The following SLC36A1 variants were observed in gnomAD, a reference collection of about 807,000 sequenced individuals.
SLC36A1 encodes the protein proton-coupled amino acid transporter 1.
Under a neutral mutation model 47.5 loss-of-function variants are expected in SLC36A1, and 30 were observed. The observed-to-expected ratio is 0.63, with a 90% CI of 0.47 to 0.86. The LOEUF (loss-of-function observed/expected upper bound fraction) is 0.86, where lower values mean the gene tolerates loss of function less well. SLC36A1 is among the 40% of genes least tolerant of loss of function. The pLI, the probability that SLC36A1 is intolerant of heterozygous loss-of-function variation, is 0.00. For synonymous variants in SLC36A1, 255 were observed against 249.7 expected (o/e 1.02, Z -0.20); for missense variants, 517 against 606.0 (o/e 0.85, Z 1.54).
the SLC36A1 span, among the ~76,000 whole-genome samples, chr5:151,403,176 G>C: frequency 6.6e-6 from 1 of 152,112 alleles, no homozygotes; most frequent in African/African-American, 2.4e-5. Context: ...CACTGCTTTT[G>C]CTGCACCCCA....
At chr5:151,382,432 A>G in the SLC36A1 span, 1 of 621,296 alleles carries the variant, frequency 1.6e-6, no homozygotes, top group South Asian at 2.1e-5. Context: ...GTAGGGATAG[A>G]TGTGTTAGTC....
chr5:151,397,147 G>A, the SLC36A1 span, among the ~76,000 whole-genome samples: 64,496 of 152,050 alleles, frequency 0.42, 14,059 homozygotes, highest in African/African-American at 0.53. Context: ...TTTCATTCCC[G>A]ATACTGCACA....
chr5:151,521,949 G>C, the SLC36A1 span: 1 of 1,614,196 alleles, frequency 6.2e-7, no homozygotes, highest in Non-Finnish European at 8.5e-7. Flanking sequence ...TACCCACCAT[G>C]CCACCCTGGA....
At chr5:151,382,617 T>C in the SLC36A1 span, among the ~76,000 whole-genome samples, 1 of 152,218 alleles carries the variant, frequency 6.6e-6, no homozygotes, top group African/African-American at 2.4e-5. Flanking sequence ...GTAACCATAG[T>C]GTGCATGTGG....
At chr5:151,541,402 G>C in the SLC36A1 span, among the ~76,000 whole-genome samples, 1 of 152,228 alleles carries the variant, frequency 6.6e-6, no homozygotes, top group East Asian at 1.9e-4. Flanking sequence ...TTAGGAGTCT[G>C]ATATTTTAAG....
chr5:151,356,716 C>CA, the SLC36A1 span, among the ~76,000 whole-genome samples: 2 of 152,198 alleles, frequency 1.3e-5, no homozygotes, highest in Non-Finnish European at 2.9e-5. Flanking sequence ...TACCTCTGGG[C>CA]ATTCAGTTGT....
the SLC36A1 span, among the ~76,000 whole-genome samples, chr5:151,370,937 G>A: frequency 6.6e-6 from 1 of 152,168 alleles, no homozygotes; most frequent in Non-Finnish European, 1.5e-5. Flanking sequence ...AGGTTGCAGT[G>A]AGCCAAGATC....
chr5:151,411,775 T>C, the SLC36A1 span, among the ~76,000 whole-genome samples: 1 of 144,392 alleles, frequency 6.9e-6, no homozygotes, highest in East Asian at 2.3e-4. Flanking sequence ...GTACAGTTTT[T>C]CCCACGGATA....
chr5:151,513,532 G>T, the SLC36A1 span, among the ~76,000 whole-genome samples: 1 of 152,164 alleles, frequency 6.6e-6, no homozygotes, highest in African/African-American at 2.4e-5. Flanking sequence ...TTACAAGTGG[G>T]AACTAAATGC....
chr5:151,517,415 C>A, the SLC36A1 span, among the ~76,000 whole-genome samples: 1 of 152,222 alleles, frequency 6.6e-6, no homozygotes, highest in Admixed American at 6.5e-5. Context: ...TTGTGACCGT[C>A]CTTGGACGTA....
the SLC36A1 span, chr5:151,509,940 C>T: frequency 6.6e-7 from 1 of 1,507,466 alleles, no homozygotes; most frequent in Middle Eastern, 2.3e-4. Context: ...CCCTGGCCTC[C>T]CATTGGACTT....
At chr5:151,554,735 A>G in the SLC36A1 span, 2 of 1,264,132 alleles carry the variant, frequency 1.6e-6, no homozygotes, top group African/African-American at 3.2e-5. Flanking sequence ...ACTATGCTTT[A>G]ACAACCTGGA....
At chr5:151,355,303 A>G in the SLC36A1 span, among the ~76,000 whole-genome samples, 1 of 152,120 alleles carries the variant, frequency 6.6e-6, no homozygotes, top group African/African-American at 2.4e-5. Flanking sequence ...GAAAGAAAGC[A>G]TTCTGAGGCT....
the SLC36A1 span, chr5:151,505,407 TG>T: frequency 1.2e-6 from 1 of 832,510 alleles, no homozygotes; most frequent in Non-Finnish European, 1.9e-6. Flanking sequence ...AGGGACTAGG[TG>T]GGGGATTGGA....
At chr5:151,458,320 A>ATATATATATACATACACTTG (rs1561737894) in intron 1 of SLC36A1, among the ~76,000 whole-genome samples, 5 of 105,730 alleles carry the variant, frequency 4.7e-5, no homozygotes, top group African/African-American at 1.6e-4. Context: ...ACGTATATAT[A>ATATATATATACATACACTTG]TATATATATA....
the SLC36A1 span, among the ~76,000 whole-genome samples, chr5:151,387,496 A>G: frequency 3.3e-5 from 5 of 152,260 alleles, no homozygotes; most frequent in African/African-American, 4.8e-5. Context: ...TATGAAGGGC[A>G]TGAAGGTGCC....
At chr5:151,360,120 T>C in the SLC36A1 span, among the ~76,000 whole-genome samples, 1 of 152,336 alleles carries the variant, frequency 6.6e-6, no homozygotes, top group Non-Finnish European at 1.5e-5. Flanking sequence ...AAAGCTTTTT[T>C]AAAATTTTTT....
At chr5:151,462,245 T>C (rs357611) in intron 2 of SLC36A1, among the ~76,000 whole-genome samples, 48,747 of 152,094 alleles carry the variant, frequency 0.32, 8,310 homozygotes, top group South Asian at 0.43. Flanking sequence ...CTTTTTGATA[T>C]TATTAATATA....
the SLC36A1 span, among the ~76,000 whole-genome samples, chr5:151,421,174 C>CTCCTTCCTTCCTTCCTTCCTTCCT: frequency 2.9e-4 from 40 of 138,886 alleles, no homozygotes; most frequent in African/African-American, 9.6e-4. Flanking sequence ...CGCCCTTTCT[C>CTCCTTCCTTCCTTCCTTCCTTCCT]TCCTTCCTTC....
Sources: allele counts gnomAD v4.1 joint callset (sites outside exome capture counted in the v4.1 genomes callset), GRCh38; gene constraint gnomAD v4.1.1; transcripts MANE v1.5; gene names NCBI Gene and HGNC (gene_info 2026-07-23, HGNC 2026-07-21).